Variants in SPIDR observed in about 807,000 individuals in gnomAD.
SPIDR encodes DNA repair-scaffolding protein.
Under a neutral mutation model 104.6 loss-of-function variants are expected in SPIDR, and 93 were observed. The ratio of observed to expected loss-of-function variants is 0.89; its 90% CI spans 0.75 to 1.06. The LOEUF (loss-of-function observed/expected upper bound fraction) is 1.06. Among genes scored for constraint, SPIDR ranks in the 50% least tolerant of loss-of-function variants. SPIDR has a pLI of 0.00. For synonymous variants in SPIDR, 431 were observed against 416.9 expected (o/e 1.03, Z -0.41); for missense variants, 1,154 against 1,111.2 (o/e 1.04, Z -0.55).
chr8:47,598,610 T>C (rs1388053759), intron 9 of SPIDR, among the ~76,000 whole-genome samples: 1 of 152,242 alleles, frequency 6.6e-6, no homozygotes, highest in Non-Finnish European at 1.5e-5. Context: ...GTTGGAATTC[T>C]TACCTCAAAA....
intron 8 of SPIDR, among the ~76,000 whole-genome samples, chr8:47,450,477 A>G (rs2071501292): frequency 6.6e-6 from 1 of 152,202 alleles, no homozygotes; most frequent in Non-Finnish European, 1.5e-5. Flanking sequence ...CAGGAAACAC[A>G]TTCAGACTAT....
chr8:47,530,269 ACCAGCCTGG>A (rs957009676), intron 8 of SPIDR, among the ~76,000 whole-genome samples: 6 of 152,262 alleles, frequency 3.9e-5, no homozygotes, highest in African/African-American at 1.4e-4. Flanking sequence ...GGAGTTCCAG[ACCAGCCTGG>A]CCAAAATGGT....
At chr8:47,725,348 A>T (rs2084060749) in intron 16 of SPIDR, among the ~76,000 whole-genome samples, 1 of 152,100 alleles carries the variant, frequency 6.6e-6, no homozygotes, top group Non-Finnish European at 1.5e-5. Flanking sequence ...CCTGATGTAA[A>T]CTATCTTTTT....
In SPIDR at chr8:47,540,233, G is replaced by A. The variant is rs62539108; in HGVS notation, c.1098-55578G>A. Among the ~76,000 whole-genome samples the A allele has an allele frequency of 9.6e-3, 1,458 of 152,200 alleles. 11 individuals carry two copies. The highest frequency in any genetic ancestry group is 0.016 in the Non-Finnish European group (1,087 of 68,012). ...ACAGAAGCAATAAAATTGTTCTCGCGGTTTCTCCTTTGATGGAGAGTGTGT... is the reference window on the plus strand; with the variant it reads ...ACAGAAGCAATAAAATTGTTCTCGCAGTTTCTCCTTTGATGGAGAGTGTGT... On this transcript the variant is annotated intron_variant, in intron 8 of 19. Transcript: ENST00000297423.
intron 5 of SPIDR, among the ~76,000 whole-genome samples, chr8:47,382,191 A>G (rs1412813056): frequency 6.6e-6 from 1 of 152,190 alleles, no homozygotes; most frequent in African/African-American, 2.4e-5. Flanking sequence ...GGAGGACCCT[A>G]CACGTGTAGA....
At chr8:47,393,625 C>CT (rs1243585153) in intron 5 of SPIDR, among the ~76,000 whole-genome samples, 24 of 151,072 alleles carry the variant, frequency 1.6e-4, no homozygotes, top group Admixed American at 9.9e-4. Context: ...CTTTTCTTTT[C>CT]TTTTTTTTTC....
intron 5 of SPIDR, among the ~76,000 whole-genome samples, chr8:47,381,658 C>T (rs1314693660): frequency 3.9e-5 from 6 of 152,158 alleles, no homozygotes; most frequent in African/African-American, 1.2e-4. Context: ...GGGTGGGAGG[C>T]CTCAGAGAGC....
At chr8:47,726,627 C>T (rs538480713) in intron 16 of SPIDR, among the ~76,000 whole-genome samples, 52 of 152,312 alleles carry the variant, frequency 3.4e-4, no homozygotes, top group African/African-American at 1.2e-3. Flanking sequence ...CTTGTGGACC[C>T]CCCTCACTCC....
At chr8:47,329,336 G>A (rs1166304337) in intron 5 of SPIDR, among the ~76,000 whole-genome samples, 1 of 152,152 alleles carries the variant, frequency 6.6e-6, no homozygotes, top group African/African-American at 2.4e-5. Context: ...CTCCCAAAGT[G>A]CTGGGATTAC....
intron 5 of SPIDR, chr8:47,294,360 A>G (rs2040461499): frequency 4.5e-6 from 1 of 223,836 alleles, no homozygotes; most frequent in Admixed American, 5.6e-5. Context: ...AAAAGATACA[A>G]ATTTAAATCA....
At chr8:47,494,312 C>A (rs1206745929) in intron 8 of SPIDR, among the ~76,000 whole-genome samples, 1 of 149,466 alleles carries the variant, frequency 6.7e-6, no homozygotes, top group Non-Finnish European at 1.5e-5. Flanking sequence ...TTTTTAAAGA[C>A]AGGGTCTCAC....
intron 10 of SPIDR, among the ~76,000 whole-genome samples, chr8:47,609,463 T>C (rs1250402546): frequency 1.3e-5 from 2 of 152,280 alleles, no homozygotes; most frequent in East Asian, 3.9e-4. Context: ...TAGTTAGAGA[T>C]TATGTTTAGT....
At chr8:47,505,849 G>A (rs893189673) in intron 8 of SPIDR, among the ~76,000 whole-genome samples, 8 of 152,146 alleles carry the variant, frequency 5.3e-5, no homozygotes, top group Non-Finnish European at 8.8e-5. Context: ...TCTCCGAACC[G>A]TTACCTTTTG....
At chr8:47,629,432 T>C (rs968107611) in intron 10 of SPIDR, among the ~76,000 whole-genome samples, 3 of 152,150 alleles carry the variant, frequency 2.0e-5, no homozygotes, top group Non-Finnish European at 4.4e-5. Context: ...TCTAGATAGA[T>C]GGATGTGGCT....
intron 8 of SPIDR, among the ~76,000 whole-genome samples, chr8:47,594,360 C>G (rs1323350776): frequency 3.3e-5 from 5 of 151,664 alleles, no homozygotes; most frequent in Admixed American, 2.0e-4. Context: ...GAGTAAGACT[C>G]CATCTCAAAA....
chr8:47,472,275 A>T (rs2075812684), intron 8 of SPIDR, among the ~76,000 whole-genome samples: 1 of 152,082 alleles, frequency 6.6e-6, no homozygotes, highest in African/African-American at 2.4e-5. Flanking sequence ...CCTAGGAGAG[A>T]TTGGGATGAT....
chr8:47,277,094 A>C (rs1157737380), intron 1 of SPIDR: 1 of 150,910 alleles, frequency 6.6e-6, no homozygotes, highest in Non-Finnish European at 1.5e-5. Context: ...ACGCCTGGCT[A>C]ATTTTGTATT....
At chr8:47,453,465 T>A (rs1315838773) in intron 8 of SPIDR, among the ~76,000 whole-genome samples, 2 of 152,140 alleles carry the variant, frequency 1.3e-5, no homozygotes, top group African/African-American at 2.4e-5. Context: ...GACTTCAAAC[T>A]ATACTACAAG....
At chr8:47,517,103 G>A (rs1014093401) in intron 8 of SPIDR, among the ~76,000 whole-genome samples, 1 of 152,000 alleles carries the variant, frequency 6.6e-6, no homozygotes, top group African/African-American at 2.4e-5. Flanking sequence ...TCCTGCCTCA[G>A]CCTCCCAAGT....
Sources: gnomAD v4.1 joint callset for allele counts (sites outside exome capture counted in the v4.1 genomes callset) on GRCh38, gnomAD v4.1.1 for gene constraint, MANE v1.5 for transcripts, NCBI Gene and HGNC (gene_info 2026-07-23, HGNC 2026-07-21) for gene names.